Variants in RTEL1 observed in about 807,000 individuals in gnomAD.
RTEL1 encodes the protein regulator of telomere length.
A neutral mutation model predicts 162.2 loss-of-function variants in RTEL1; 86 were observed. That is an observed-to-expected ratio of 0.53 (90% CI 0.45 to 0.63). RTEL1 has a LOEUF of 0.63. Ranked by LOEUF, RTEL1 falls within the 30% of genes least tolerant of loss-of-function variation. RTEL1 has a pLI of 0.00. For missense variants in RTEL1, 1,941 were observed against 1,750.2 expected, an observed-to-expected ratio of 1.11 and a Z score of -1.95; for synonymous variants, 958 against 717.9, an observed-to-expected ratio of 1.33 and a Z score of -5.35.
At position 63,694,935 on chromosome 20, in the gene RTEL1, C is replaced by T; in HGVS notation, c.3304C>T (p.Leu1102=). 6.2e-7 allele frequency: 1 copy of T among 1,612,604 alleles called. No homozygotes were observed. Among genetic ancestry groups the T allele is most frequent in the Non-Finnish European group, 8.5e-7 (1 of 1,179,874 alleles). ...CAAGGTGCTGGCTGTGTTGGCCGCC[C>T]TGACCACTGCAAAGCCAGAGGACTT... ...LDKVLAVLAA[L]TTAKPEDFPL... Residue 1102 remains leucine (L), a synonymous_variant, in exon 32 of 35, where the codon CTG becomes TTG. Transcript: ENST00000360203.
chr20:63,692,855 G>A lies in RTEL1; in HGVS notation c.2703G>A (p.Val901=). ...CGGACAGGGCCAAGCTCTTCATGGTGGCCGTGAAGCAGGAGTTGAGCCAAG... is the reference window on the plus strand; with the variant it reads ...CGGACAGGGCCAAGCTCTTCATGGTAGCCGTGAAGCAGGAGTTGAGCCAAG... ...AQTDRAKLFM[V]AVKQELSQAN... is the part of the protein sequence containing the mutation. The change falls in exon 29 of 35, where the codon GTG becomes GTA. Residue 901 remains valine, a synonymous_variant. Coordinates refer to ENST00000360203, the MANE Select transcript of RTEL1 (RefSeq NM_001283009.2). 1 of 1,612,634 alleles carries A rather than the reference G, an allele frequency of 6.2e-7. No individual in the cohort carries two copies. Among genetic ancestry groups the A allele is most frequent in the Non-Finnish European group, 8.5e-7 (1 of 1,179,854 alleles).
intron 2 of RTEL1, among the ~76,000 whole-genome samples, chr20:63,660,120 C>T (rs1233032284): frequency 6.6e-6 from 1 of 152,210 alleles, no homozygotes; most frequent in Non-Finnish European, 1.5e-5. Flanking sequence ...GGCTTTTCTC[C>T]TATCTCAGAA....
chr20:63,690,017 TCTTCA>T, intron 24 of RTEL1, 65 bp from the exon 25 acceptor site: 12 of 1,578,198 alleles, frequency 7.6e-6, no homozygotes, highest in Non-Finnish European at 1.0e-5. Context: ...CAGATGAGGG[TCTTCA>T]CTTCGGTGAA....
chr20:63,675,934 CG>C, intron 10 of RTEL1, among the ~76,000 whole-genome samples: 1 of 152,342 alleles, frequency 6.6e-6, no homozygotes, highest in Admixed American at 6.5e-5. Flanking sequence ...AACATCACCA[CG>C]GGGCCTTCTC....
chr20:63,660,217 G>A (rs988369853), intron 2 of RTEL1, among the ~76,000 whole-genome samples: 1 of 152,234 alleles, frequency 6.6e-6, no homozygotes, highest in Non-Finnish European at 1.5e-5. Context: ...TATCTCGACT[G>A]CAAGAGGCTT....
rs753836399 is a variant in RTEL1, at chr20:63,687,401, C to G, written c.1349-237C>G. On this transcript the variant is annotated intron_variant, in intron 16 of 34. Coordinates refer to ENST00000360203, the MANE Select transcript of RTEL1 (RefSeq NM_001283009.2). ...CTCTGCAGGTGTCCCCAGCCTCTGC[C>G]TGGGGTCTGCCTCCTACTCCCAGGA... 7.6e-6 allele frequency: 4 copies of G among 529,172 alleles called. No individual in the cohort carries two copies. In the African/African-American group the frequency reaches 7.7e-5, roughly 10 times the overall value. The allele number at this position is 529,172 out of a possible 1,614,324, so 32.8% of individuals were successfully genotyped here.
intron 10 of RTEL1, among the ~76,000 whole-genome samples, chr20:63,676,848 T>G (rs1475919414): frequency 1.3e-5 from 2 of 152,076 alleles, no homozygotes; most frequent in Non-Finnish European, 2.9e-5. Context: ...GGCAGGAGAA[T>G]CACTTGAACC....
Position 63,695,558 on chromosome 20 carries a change from T to C in RTEL1, c.3730T>C (p.Cys1244Arg), listed in dbSNP as rs587777037. The change falls in exon 34 of 35, where the codon TGC becomes CGC. Residue 1244 changes from cysteine to arginine, a missense_variant. Cys to Arg is a radical substitution (Grantham distance 180). Transcript: ENST00000360203. ...PGGPLSAGCV[C>R]QGCGAEDVVP... is the part of the protein sequence containing the mutation. Reference sequence around the variant, plus strand: ...CGGGCCCCTCTCAGCAGGCTGTGTGTGCCAGGGCTGTGGGGCAGAGGACGT... The same window carrying C: ...CGGGCCCCTCTCAGCAGGCTGTGTGCGCCAGGGCTGTGGGGCAGAGGACGT... 1.6e-5 allele frequency: 25 copies of C among 1,612,386 alleles called. No homozygotes were observed. The highest frequency in any genetic ancestry group is 2.2e-5 in the East Asian group (1 of 44,874).
At chr20:63,674,969 G>A (rs546634623) in intron 10 of RTEL1, among the ~76,000 whole-genome samples, 74 of 151,342 alleles carry the variant, frequency 4.9e-4, no homozygotes, top group Admixed American at 4.6e-4. Context: ...GTGCAATGGC[G>A]CGATCTTGGC....
At chr20:63,681,905 C>T in intron 14 of RTEL1, 2 of 985,398 alleles carry the variant, frequency 2.0e-6, no homozygotes, top group South Asian at 4.7e-5. Context: ...GTGGCTCCTG[C>T]CTGCCAAGGG....
intron 6 of RTEL1, among the ~76,000 whole-genome samples, chr20:63,663,298 G>A (rs1375753415): frequency 1.3e-5 from 2 of 152,236 alleles, no homozygotes; most frequent in African/African-American, 4.8e-5. Flanking sequence ...TTGGGAGGGT[G>A]TCCTGGAAGC....
At position 63,678,365 on chromosome 20, in the gene RTEL1, GC is replaced by G. The variant is rs1351670996; in HGVS notation, c.1037+23del. On this transcript the variant is annotated intron_variant, in intron 12 of 34. Coordinates refer to ENST00000360203, the MANE Select transcript of RTEL1 (RefSeq NM_001283009.2). ...CAGGGAGGTGAGAGGCGGGGAGCCAGCCCCTTCACTGCAGGCCCAGCCTAGA... is the reference window on the plus strand; with the variant it reads ...CAGGGAGGTGAGAGGCGGGGAGCCAGCCCTTCACTGCAGGCCCAGCCTAGA... 6.2e-7 allele frequency: 1 copy of G among 1,600,724 alleles called. No individual in the cohort carries two copies. The highest frequency in any genetic ancestry group is 1.7e-5 in the Admixed American group (1 of 58,768).
At position 63,680,649 on chromosome 20, in the gene RTEL1, C is replaced by T; in HGVS notation, c.1136-15C>T. ...CTGCCTGCAGTGTGGGTGTCAGCGC[C>T]CTGCTGCCCTCCAGGTGCTGGAGTG... On this transcript the variant is annotated splice_polypyrimidine_tract_variant and intron_variant, in intron 13 of 34. Coordinates refer to ENST00000360203, the MANE Select transcript of RTEL1 (RefSeq NM_001283009.2). 2 of 1,612,840 alleles carry T rather than the reference C, an allele frequency of 1.2e-6. No homozygotes were observed. The highest frequency in any genetic ancestry group is 1.7e-6 in the Non-Finnish European group (2 of 1,179,876).
At chr20:63,666,834 CTTTTTTTTTTTT>C (rs146252896) in intron 7 of RTEL1, among the ~76,000 whole-genome samples, 5 of 102,176 alleles carry the variant, frequency 4.9e-5, no homozygotes, top group Non-Finnish European at 7.9e-5. Context: ...CTGGCCAGCT[CTTTTTTTTTTTT>C]TTTTTTTTTT....
At chr20:63,665,133 C>T (rs1026559344) in intron 6 of RTEL1, 6 of 153,732 alleles carry the variant, frequency 3.9e-5, no homozygotes, top group South Asian at 2.0e-4. Flanking sequence ...TGTATGTGCA[C>T]GTGTGCATAT....
At chr20:63,687,268 T>G in intron 16 of RTEL1, 1 of 221,262 alleles carries the variant, frequency 4.5e-6, no homozygotes, top group Non-Finnish European at 8.9e-6. Flanking sequence ...CCGTGGAATG[T>G]CGGGATGCCG....
chr20:63,681,004 C>T (rs1031856871), intron 14 of RTEL1: 22 of 985,300 alleles, frequency 2.2e-5, no homozygotes, highest in African/African-American at 1.6e-4. Context: ...CTGCCCTGTC[C>T]GGGCCCTCAG....
At chr20:63,678,228 C>T (rs780205457) in intron 11 of RTEL1, 40 bp from the exon 12 acceptor site, 3 of 1,613,152 alleles carry the variant, frequency 1.9e-6, no homozygotes, top group Non-Finnish European at 2.5e-6. Context: ...GTGGGGCCTC[C>T]TCCTTGCGAG....
At chr20:63,672,226 A>G (rs1308489137) in intron 8 of RTEL1, among the ~76,000 whole-genome samples, 1 of 152,080 alleles carries the variant, frequency 6.6e-6, no homozygotes, top group African/African-American at 2.4e-5. Flanking sequence ...TGGGGCAGGG[A>G]ACTGCTGGGT....
Sources: allele counts gnomAD v4.1 joint callset (sites outside exome capture counted in the v4.1 genomes callset), GRCh38; gene constraint gnomAD v4.1.1; transcripts MANE v1.5; gene names NCBI Gene and HGNC (gene_info 2026-07-23, HGNC 2026-07-21).